Variants in PFKFB2 observed in about 807,000 individuals in gnomAD.
The protein encoded by PFKFB2 is 6-phosphofructo-2-kinase/fructose-2,6-biphosphatase 2.
In PFKFB2, 53 loss-of-function variants were observed where a neutral mutation model predicts 68.0. The ratio of observed to expected loss-of-function variants is 0.78; its 90% CI spans 0.63 to 0.98. The LOEUF (loss-of-function observed/expected upper bound fraction) is 0.98. Among genes scored for constraint, PFKFB2 ranks in the 50% least tolerant of loss-of-function variants. The pLI, the probability that PFKFB2 is intolerant of heterozygous loss-of-function variation, is 0.00. For synonymous variants in PFKFB2, 222 were observed against 227.6 expected (o/e 0.98, Z 0.22); for missense variants, 451 against 642.0 (o/e 0.70, Z 3.22).
upstream of PFKFB2, chr1:207,051,046 G>C (rs780176161): frequency 2.7e-6 from 4 of 1,487,382 alleles, no homozygotes; most frequent in South Asian, 5.1e-5. Flanking sequence ...GAAGTTGCGG[G>C]TGGTTGCAGT....
chr1:207,061,168 TATATATATATATATA>T lies in PFKFB2; in HGVS notation c.86-784_86-770del, dbSNP rs1683099418. On this transcript the variant is annotated intron_variant, in intron 2 of 14. Coordinates refer to ENST00000367080, the MANE Select transcript of PFKFB2 (RefSeq NM_006212.2). The stretch of plus-strand genomic sequence containing the variant: ...TTATATATATTTATATATATCTTTA[TATATATATATATATA>T]TATATATATATATATATATTTTAAG... Among the ~76,000 whole-genome samples the T allele has an allele frequency of 8.4e-5, 4 of 47,510 alleles. 1 individual carries two copies. Among genetic ancestry groups the T allele is most frequent in the Non-Finnish European group, 1.5e-4 (4 of 27,138 alleles). The allele number at this position is 47,510 out of a possible 152,430, so 31.2% of individuals were successfully genotyped here.
At chr1:207,068,341 C>A in intron 10 of PFKFB2, 32 bp downstream of exon 10, 1 of 1,512,390 alleles carries the variant, frequency 6.6e-7, no homozygotes, top group Non-Finnish European at 8.9e-7. Flanking sequence ...CCCAGAAAAG[C>A]CAACAAGAGT....
chr1:207,065,217 T>C (rs201240901), intron 8 of PFKFB2, 57 bp downstream of exon 8: 82 of 1,595,934 alleles, frequency 5.1e-5, no homozygotes, highest in Non-Finnish European at 6.4e-5. Context: ...TCTGGGAAAA[T>C]AACCTTTCTC....
rs1162710501 is a variant in PFKFB2, at chr1:207,057,314, A to C, written c.85+2512A>C. ...TACAAAAAAACTACAAAAAAAAAAA[A>C]AAAAAAAAAAAAAACTAGCCGGGCA... On this transcript the variant is annotated intron_variant, in intron 2 of 14. Coordinates refer to ENST00000367080, the MANE Select transcript of PFKFB2 (RefSeq NM_006212.2). 5.4e-5 allele frequency among the ~76,000 whole-genome samples: 8 copies of C among 147,954 alleles called. No homozygotes were observed. The East Asian group carries it at 1.2e-3, about 22-fold the overall frequency.
intron 2 of PFKFB2, chr1:207,044,777 A>G (rs1682553748): frequency 6.6e-6 from 1 of 152,354 alleles, no homozygotes; most frequent in African/African-American, 2.4e-5. Flanking sequence ...CTATTTGACA[A>G]TCTCTTCTTT....
chr1:207,051,176 A>G, upstream of PFKFB2: 2 of 1,401,114 alleles, frequency 1.4e-6, no homozygotes, highest in South Asian at 1.6e-5. Context: ...GTATTCCTAA[A>G]GGACAACGGG....
intron 1 of PFKFB2, among the ~76,000 whole-genome samples, chr1:207,034,648 A>G (rs1482674340): frequency 1.3e-5 from 2 of 152,186 alleles, no homozygotes; most frequent in Non-Finnish European, 2.9e-5. Context: ...ACATAGACAA[A>G]AATCATCTTT....
upstream of PFKFB2, chr1:207,052,289 T>A: frequency 6.7e-7 from 1 of 1,503,418 alleles, no homozygotes; most frequent in Non-Finnish European, 9.2e-7. Flanking sequence ...TTTTCCTCCT[T>A]GGTTCTTCAA....
rs946043807 is a variant in PFKFB2 at position 207,077,407 on chromosome 1, C to T, written c.*5036C>T. ...GATATCTGTGACCAATGTTTACCTA[C>T]GCAATGTTTTTGTATCTGAATTGCT... is the stretch of plus-strand genomic sequence containing the variant. On this transcript the variant is annotated 3_prime_UTR_variant, in exon 15 of 15. Transcript: ENST00000367080. 11 of 985,026 alleles carry T rather than the reference C, an allele frequency of 1.1e-5. No individual in the cohort carries two copies. In the South Asian group the frequency reaches 1.4e-4, roughly 13 times the overall value. The allele number at this position is 985,026 out of a possible 1,614,324, so 61.0% of individuals were successfully genotyped here.
At chr1:207,054,633 C>T in intron 1 of PFKFB2, 68 bp from the exon 2 acceptor site, 1 of 1,100,162 alleles carries the variant, frequency 9.1e-7, no homozygotes, top group Non-Finnish European at 1.3e-6. Flanking sequence ...ATCCAATGCA[C>T]TGACTTTTTT....
downstream of PFKFB2, chr1:207,079,115 T>G: frequency 9.1e-7 from 1 of 1,093,162 alleles, no homozygotes; most frequent in Non-Finnish European, 1.4e-6. Context: ...GGAAGTTAAG[T>G]GGGAACTGGA....
At position 207,063,759 on chromosome 1, in the gene PFKFB2, C is replaced by T; in HGVS notation, c.451-14C>T. The T allele has an allele frequency of 6.2e-7, 1 of 1,612,224 alleles. No individual in the cohort carries two copies. On this transcript the variant is annotated splice_polypyrimidine_tract_variant and intron_variant, in intron 6 of 14. Transcript: ENST00000367080. This position sits in a 1 kb window ranked among gnomAD's most constrained non-coding sequence, Gnocchi z 4.1. ...TTTTTGACTTGCTTATCACTGCCTT[C>T]TCTCCATGGCCAGGTATTCTTTGTG... is the stretch of plus-strand genomic sequence containing the variant.
chr1:207,070,159 C>A lies in PFKFB2; in HGVS notation c.1093-121C>A, dbSNP rs1207447376. The A allele has an allele frequency of 2.6e-6, 3 of 1,141,468 alleles. No homozygotes were observed. In the East Asian group the frequency reaches 7.7e-5, roughly 29 times the overall value. The allele number at this position is 1,141,468 out of a possible 1,614,324, so 70.7% of individuals were successfully genotyped here. A position where few individuals can be genotyped will look rare whatever the true frequency, so the allele number is the denominator to read the frequency against. ...TAGCAGGTGATGTAAACTCACTGAG[C>A]CTCCAGGAGGAAAGCCAGCTGAGGA... On this transcript the variant is annotated intron_variant, in intron 11 of 14. Coordinates refer to ENST00000367080, the MANE Select transcript of PFKFB2 (RefSeq NM_006212.2). The surrounding 1 kb of genome is among the most constrained non-coding windows in gnomAD (Gnocchi z 4.2).
upstream of PFKFB2, chr1:207,048,662 G>T: frequency 4.7e-6 from 1 of 213,188 alleles, no homozygotes; most frequent in South Asian, 8.3e-5. Flanking sequence ...CTCACAGGAG[G>T]CCTTCCACAT....
In PFKFB2 at chr1:207,072,709, C is replaced by G; in HGVS notation, c.*338C>G. The G allele has an allele frequency of 9.4e-7, 1 of 1,058,806 alleles. No homozygotes were observed. The highest frequency in any genetic ancestry group is 1.1e-6 in the Non-Finnish European group (1 of 877,636). 65.6% of individuals were successfully genotyped at this position (1,058,806 alleles called of 1,614,324 possible). On this transcript the variant is annotated 3_prime_UTR_variant, in exon 15 of 15. Coordinates refer to ENST00000367080, the MANE Select transcript of PFKFB2 (RefSeq NM_006212.2). Reference sequence around the variant, plus strand: ...ACACTCTTGGATCTTCTCTCTGTTCCCTGGTGTCTTCACTAATGTCCTCAT... The same window carrying G: ...ACACTCTTGGATCTTCTCTCTGTTCGCTGGTGTCTTCACTAATGTCCTCAT...
At chr1:207,053,130 C>A (rs1007156064), upstream of PFKFB2, 5 of 152,444 alleles carry the variant, frequency 3.3e-5, no homozygotes, top group East Asian at 7.7e-4. Flanking sequence ...GCCGCCTTCC[C>A]GAGCCAGTTA....
At chr1:207,042,725 T>C (rs1682504976) in intron 2 of PFKFB2, among the ~76,000 whole-genome samples, 1 of 152,198 alleles carries the variant, frequency 6.6e-6, no homozygotes. Flanking sequence ...AAGCCAGGTT[T>C]TCCCTCATGC....
rs78295730 is a variant in PFKFB2, at chr1:207,043,684, T to C, written c.-18+1472T>C. ...ATTTCAACCTTTCGTTAAGGAGAAATACCTTAGTTTCTCCTGTCTCATTCA... is the reference window on the plus strand; with the variant it reads ...ATTTCAACCTTTCGTTAAGGAGAAACACCTTAGTTTCTCCTGTCTCATTCA... On this transcript the variant is annotated intron_variant, in intron 2 of 5. Transcript: ENST00000545806. 6.2e-3 allele frequency among the ~76,000 whole-genome samples: 937 copies of C among 152,308 alleles called. 14 individuals are homozygous for C. Among genetic ancestry groups the C allele is most frequent in the African/African-American group, 0.022 (904 of 41,568 alleles).
In PFKFB2 at chr1:207,042,549, C is replaced by CAAAAAAAAAAAAAA. The variant is rs57077682; in HGVS notation, c.-18+356_-18+369dup. On this transcript the variant is annotated intron_variant, in intron 2 of 5. Transcript: ENST00000545806. The stretch of plus-strand genomic sequence containing the variant: ...GGCGACACAGCAACACTCTGTCTCA[C>CAAAAAAAAAAAAAA]AAAAAAAAAAAAAAAAAAAAAAAAA... 3.2e-3 allele frequency among the ~76,000 whole-genome samples: 144 copies of CAAAAAAAAAAAAAA among 44,714 alleles called. 19 individuals are homozygous for CAAAAAAAAAAAAAA. The highest frequency in any genetic ancestry group is 4.4e-3 in the Non-Finnish European group (104 of 23,622). The allele number at this position is 44,714 out of a possible 152,430, so 29.3% of individuals were successfully genotyped here. A position where few individuals can be genotyped will look rare whatever the true frequency, so the allele number is the denominator to read the frequency against.
Sources: gnomAD v4.1 joint callset for allele counts (sites outside exome capture counted in the v4.1 genomes callset) on GRCh38, gnomAD v4.1.1 for gene constraint, Gnocchi (gnomAD v3.1) non-coding constraint, MANE v1.5 for transcripts, NCBI Gene and HGNC (gene_info 2026-07-23, HGNC 2026-07-21) for gene names.